The following SDK1 variants were observed in gnomAD, a reference collection of about 807,000 sequenced individuals.
The protein encoded by SDK1 is sidekick cell adhesion molecule 1.
Under a neutral mutation model 245.5 loss-of-function variants are expected in SDK1, and 157 were observed. The observed-to-expected ratio is 0.64, with a 90% CI of 0.56 to 0.73. The LOEUF (loss-of-function observed/expected upper bound fraction) is 0.73. Among genes scored for constraint, SDK1 ranks in the 30% least tolerant of loss-of-function variants. SDK1 has a pLI of 0.00. For synonymous variants in SDK1, 1,647 were observed against 1,278.5 expected, an observed-to-expected ratio of 1.29 and a Z score of -6.15; for missense variants, 3,583 against 3,002.3, an observed-to-expected ratio of 1.19 and a Z score of -4.52.
chr7:3,605,794 T>A (rs1312438463), intron 1 of SDK1, among the ~76,000 whole-genome samples: 1 of 152,208 alleles, frequency 6.6e-6, no homozygotes, highest in Non-Finnish European at 1.5e-5. Context: ...ATTTTTAGGT[T>A]TGTTTTTGAA....
intron 5 of SDK1, among the ~76,000 whole-genome samples, chr7:3,918,509 G>A (rs927930175): frequency 4.6e-5 from 7 of 152,168 alleles, no homozygotes; most frequent in African/African-American, 1.2e-4. Flanking sequence ...GGATAGGACC[G>A]TAATTGCAGG....
rs148754610 is a variant in SDK1, at chr7:3,834,639, T to G, written c.847+13056T>G. Among the ~76,000 whole-genome samples the G allele has an allele frequency of 9.0e-3, 1,371 of 152,276 alleles. 25 individuals carry two copies. The highest frequency in any genetic ancestry group is 0.031 in the African/African-American group (1,294 of 41,564). On this transcript the variant is annotated intron_variant, in intron 5 of 44. Transcript: ENST00000404826. ...TTTGCTCCCTTGTTATAAATATCAG[T>G]GCCCCCCAGGAAGACTCTGCATTTA...
At chr7:3,956,873 G>T (rs1005789324) in intron 7 of SDK1, among the ~76,000 whole-genome samples, 2 of 152,246 alleles carry the variant, frequency 1.3e-5, no homozygotes, top group Admixed American at 1.3e-4. Flanking sequence ...TGGAGTGCCC[G>T]TCTCCCTGAC....
At chr7:3,437,731 A>G (rs953239247) in intron 1 of SDK1, among the ~76,000 whole-genome samples, 3 of 152,232 alleles carry the variant, frequency 2.0e-5, no homozygotes, top group African/African-American at 7.2e-5. Context: ...CCTGGGTGAC[A>G]GAGTCGGATC....
intron 30 of SDK1, 63 bp downstream of exon 30, chr7:4,149,526 T>G: frequency 9.1e-6 from 11 of 1,211,568 alleles, no homozygotes; most frequent in African/African-American, 1.6e-5. Context: ...AGCCAGCTCC[T>G]GTCCAGATAG....
intron 5 of SDK1, among the ~76,000 whole-genome samples, chr7:3,894,073 A>C (rs1421021578): frequency 1.3e-5 from 2 of 152,188 alleles, no homozygotes; most frequent in Admixed American, 1.3e-4. Context: ...CCCCATTCTA[A>C]ATATGGCAAG....
At chr7:4,155,699 T>G (rs1780685964) in intron 30 of SDK1, among the ~76,000 whole-genome samples, 1 of 152,172 alleles carries the variant, frequency 6.6e-6, no homozygotes, top group African/African-American at 2.4e-5. Context: ...CGTGTCCTCA[T>G]AGGCAACCCC....
chr7:3,401,499 A>G (rs1220112054), intron 1 of SDK1, among the ~76,000 whole-genome samples: 2 of 152,192 alleles, frequency 1.3e-5, no homozygotes, highest in African/African-American at 4.8e-5. Context: ...TGGAACCCAT[A>G]GGACTTCATA....
intron 22 of SDK1, among the ~76,000 whole-genome samples, chr7:4,088,056 C>T (rs1781539301): frequency 1.3e-5 from 2 of 152,252 alleles, no homozygotes; most frequent in South Asian, 2.1e-4. Context: ...GTTATAACCC[C>T]GTGTCACAGA....
intron 4 of SDK1, among the ~76,000 whole-genome samples, chr7:3,786,500 A>G (rs1180404501): frequency 6.6e-6 from 1 of 152,222 alleles, no homozygotes; most frequent in African/African-American, 2.4e-5. Flanking sequence ...ATAATGAGAG[A>G]GAAGGTTATA....
chr7:3,948,903 T>A (rs150376956), intron 5 of SDK1, among the ~76,000 whole-genome samples: 1 of 152,214 alleles, frequency 6.6e-6, no homozygotes, highest in Non-Finnish European at 1.5e-5. Flanking sequence ...CTTTCAGCAT[T>A]AGCCACTGCC....
chr7:4,268,278 T>C lies in SDK1; in HGVS notation c.*2894T>C, dbSNP rs574863427. Reference sequence around the variant, plus strand: ...TCCGTCTGAGCCACAGGGATGGGTGTGCAGAGCTCCCTCCTCCTGGGGTGC... The same window carrying C: ...TCCGTCTGAGCCACAGGGATGGGTGCGCAGAGCTCCCTCCTCCTGGGGTGC... On this transcript the variant is annotated 3_prime_UTR_variant, in exon 45 of 45. Transcript: ENST00000404826. 6.9e-6 allele frequency: 7 copies of C among 1,021,768 alleles called. No homozygotes were observed. In the African/African-American group the frequency reaches 8.6e-5, roughly 12 times the overall value. 63.3% of individuals were successfully genotyped at this position (1,021,768 alleles called of 1,614,324 possible). A position where few individuals can be genotyped will look rare whatever the true frequency, so the allele number is the denominator to read the frequency against.
chr7:3,982,337 A>G (rs1783473065), intron 13 of SDK1, among the ~76,000 whole-genome samples: 1 of 152,230 alleles, frequency 6.6e-6, no homozygotes, highest in African/African-American at 2.4e-5. Flanking sequence ...ATGGGAATGT[A>G]CAAGGAGATG....
chr7:3,376,186 G>C (rs1554499), intron 1 of SDK1, among the ~76,000 whole-genome samples: 1 of 151,984 alleles, frequency 6.6e-6, no homozygotes, highest in Admixed American at 6.5e-5. Context: ...GACAGAGTGA[G>C]ACCCTGCCTT....
In SDK1 at chr7:3,664,726, C is replaced by T. The variant is rs549741947; in HGVS notation, c.713+22621C>T. 2.8e-4 allele frequency among the ~76,000 whole-genome samples: 39 copies of T among 139,114 alleles called. No individual in the cohort carries two copies. The South Asian group carries it at 8.9e-3, about 32-fold the overall frequency. The allele number at this position is 139,114 out of a possible 152,430, so 91.3% of individuals were successfully genotyped here. On this transcript the variant is annotated intron_variant, in intron 4 of 44. Coordinates refer to ENST00000404826, the MANE Select transcript of SDK1 (RefSeq NM_152744.4). ...CTGCACTCCAGCCTGGGCAACAGAG[C>T]GAGACTCTGTCTCAAAAAAAAAAAA...
chr7:3,529,229 C>T (rs1176295887), intron 1 of SDK1, among the ~76,000 whole-genome samples: 10 of 152,118 alleles, frequency 6.6e-5, no homozygotes, highest in Non-Finnish European at 1.3e-4. Flanking sequence ...TATACACACC[C>T]AGAAGGCCTA....
intron 1 of SDK1, among the ~76,000 whole-genome samples, chr7:3,457,755 C>T (rs1315329810): frequency 6.6e-6 from 1 of 152,158 alleles, no homozygotes; most frequent in East Asian, 1.9e-4. Flanking sequence ...AGACAGCTCT[C>T]ATCTTGGCAC....
chr7:3,405,158 CCAAAAAAAAAAA>C (rs1562466934), intron 1 of SDK1, among the ~76,000 whole-genome samples: 6 of 141,446 alleles, frequency 4.2e-5, no homozygotes, highest in East Asian at 3.9e-4. Context: ...TAAAAAAAAA[CCAAAAAAAAAAA>C]CAAAAACAAA....
intron 25 of SDK1, among the ~76,000 whole-genome samples, chr7:4,117,233 T>G (rs1783771696): frequency 6.6e-6 from 1 of 152,216 alleles, no homozygotes. Context: ...TTTGGGAAGC[T>G]GAGTCTGGAG....
Sources: allele counts gnomAD v4.1 joint callset (sites outside exome capture counted in the v4.1 genomes callset), GRCh38; gene constraint gnomAD v4.1.1; transcripts MANE v1.5; gene names NCBI Gene and HGNC (gene_info 2026-07-23, HGNC 2026-07-21).